The following ERICH1 variants were observed in gnomAD, a reference collection of about 807,000 sequenced individuals.
ERICH1 encodes the protein glutamate-rich protein 1.
In ERICH1, 56 loss-of-function variants were observed where a neutral mutation model predicts 39.6. The observed-to-expected ratio is 1.41, with a 90% CI of 1.14 to 1.77. The LOEUF is 1.77. ERICH1 is among the 40% of genes most tolerant of loss of function. The probability of loss-of-function intolerance (pLI) is 0.00; values close to 1 mark genes in which losing one functional copy is unlikely to be tolerated. For missense variants in ERICH1, 826 were observed against 575.4 expected (o/e 1.44, Z -4.45); for synonymous variants, 313 against 223.6 (o/e 1.40, Z -3.57).
At chr8:650,154 G>C (rs973817621) in intron 3 of ERICH1, among the ~76,000 whole-genome samples, 13 of 152,218 alleles carry the variant, frequency 8.5e-5, no homozygotes, top group African/African-American at 3.1e-4. Flanking sequence ...GGGCGCTTGC[G>C]TGTCCGGCAC....
chr8:675,320 C>CG (rs1459101318), intron 3 of ERICH1, among the ~76,000 whole-genome samples: 1 of 704 alleles, frequency 1.4e-3, no homozygotes, highest in Non-Finnish European at 2.8e-3. Context: ...GGCGGCCCCT[C>CG]GTGAGGACAG....
chr8:672,231 G>C (rs1458257372), intron 4 of ERICH1: 1 of 152,234 alleles, frequency 6.6e-6, no homozygotes, highest in East Asian at 1.9e-4. Flanking sequence ...AGAATAGAAA[G>C]TTTACTGAGA....
intron 4 of ERICH1, 152 bp downstream of exon 4, chr8:673,137 A>G: frequency 1.0e-6 from 1 of 981,172 alleles, no homozygotes; most frequent in Non-Finnish European, 1.5e-6. Flanking sequence ...TTTACATTGA[A>G]TATTTTTTAC....
intron 3 of ERICH1, among the ~76,000 whole-genome samples, chr8:628,008 G>A (rs146471008): frequency 5.9e-4 from 90 of 152,306 alleles, no homozygotes; most frequent in African/African-American, 2.1e-3. Flanking sequence ...CAGCAGCAGG[G>A]GCGCCTTCCT....
At chr8:721,096 G>T (rs918403581) in intron 1 of ERICH1, among the ~76,000 whole-genome samples, 6 of 152,266 alleles carry the variant, frequency 3.9e-5, no homozygotes, top group Admixed American at 2.0e-4. Context: ...TGTCAAAATG[G>T]ATATCTCATT....
At chr8:726,761 A>G (rs1174869941) in intron 1 of ERICH1, among the ~76,000 whole-genome samples, 1 of 152,058 alleles carries the variant, frequency 6.6e-6, no homozygotes, top group Admixed American at 6.6e-5. Context: ...CACACCACAC[A>G]CAGACACATG....
intron 1 of ERICH1, among the ~76,000 whole-genome samples, chr8:719,117 A>T (rs1192866827): frequency 1.3e-5 from 2 of 151,940 alleles, no homozygotes; most frequent in Non-Finnish European, 2.9e-5. Flanking sequence ...CTGGGCTGAG[A>T]GCCCGACCCT....
chr8:658,893 C>A (rs563886102), intron 3 of ERICH1, among the ~76,000 whole-genome samples: 1 of 152,356 alleles, frequency 6.6e-6, no homozygotes, highest in South Asian at 2.1e-4. Context: ...CTTCCTCTGC[C>A]TTTCCTTCAC....
chr8:637,772 T>C (rs1026205381), intron 3 of ERICH1, among the ~76,000 whole-genome samples: 1 of 152,122 alleles, frequency 6.6e-6, no homozygotes, highest in Non-Finnish European at 1.5e-5. Context: ...GGCTGCTCAG[T>C]TGGGGAGTGG....
intron 1 of ERICH1, among the ~76,000 whole-genome samples, chr8:719,239 C>T (rs1445587201): frequency 1.3e-5 from 2 of 152,234 alleles, no homozygotes; most frequent in East Asian, 3.9e-4. Flanking sequence ...GAGCCGTCAT[C>T]CAACAGCGGG....
chr8:693,115 A>G (rs1423501344), intron 2 of ERICH1, among the ~76,000 whole-genome samples: 2 of 152,016 alleles, frequency 1.3e-5, no homozygotes, highest in African/African-American at 2.4e-5. Context: ...AACATCCACA[A>G]AACACACAGA....
At chr8:682,450 T>C (rs1235307105) in intron 3 of ERICH1, among the ~76,000 whole-genome samples, 1 of 152,230 alleles carries the variant, frequency 6.6e-6, no homozygotes, top group Non-Finnish European at 1.5e-5. Context: ...CCTGTTGCAC[T>C]GTGACTTCTC....
At chr8:725,937 G>A (rs1818517716) in intron 1 of ERICH1, 1 of 152,334 alleles carries the variant, frequency 6.6e-6, no homozygotes, top group African/African-American at 2.4e-5. Context: ...GATGGGAAAA[G>A]AGGTGCCAAC....
Position 725,092 on chromosome 8 carries a change from G to C in ERICH1, c.22+6048C>G, listed in dbSNP as rs527633098. On this transcript the variant is annotated intron_variant, in intron 1 of 5. Transcript: ENST00000262109. Reference sequence around the variant, plus strand: ...TGCTGTCCCCTCCGGCTTCCTGTCTGCTGTCCTCTCTGGCTTCTTGTCTGC... The same window carrying C: ...TGCTGTCCCCTCCGGCTTCCTGTCTCCTGTCCTCTCTGGCTTCTTGTCTGC... The C allele has an allele frequency of 5.2e-5, 9 of 171,492 alleles. No homozygotes were observed. The South Asian group carries it at 9.6e-4, about 18-fold the overall frequency. 10.6% of individuals were successfully genotyped at this position (171,492 alleles called of 1,614,324 possible).
At chr8:708,685 T>TTTTTTTGTTTTG in intron 2 of ERICH1, among the ~76,000 whole-genome samples, 2 of 47,164 alleles carry the variant, frequency 4.2e-5, no homozygotes, top group Non-Finnish European at 9.2e-5. Flanking sequence ...TAATGAGTTT[T>TTTTTTTGTTTTG]TTTTTTTTTT....
Position 630,007 on chromosome 8 carries a change from CACAG to C in ERICH1, c.977-14727_977-14724del, listed in dbSNP as rs1303974881. Among the ~76,000 whole-genome samples the C allele has an allele frequency of 6.7e-5, 9 of 134,204 alleles. 1 individual carries two copies. Among genetic ancestry groups the C allele is most frequent in the South Asian group, 5.1e-4 (2 of 3,900 alleles). 88.0% of individuals were successfully genotyped at this position (134,204 alleles called of 152,430 possible). The stretch of plus-strand genomic sequence containing the variant: ...ACTCACACCCTCCTGTGAGCACCCA[CACAG>C]ACAAAGCTGACTCACACCCTCCCGT... On this transcript the variant is annotated intron_variant, in intron 3 of 3. Transcript: ENST00000522706.
chr8:717,702 A>C (rs1187842642), intron 1 of ERICH1, among the ~76,000 whole-genome samples: 1 of 152,264 alleles, frequency 6.6e-6, no homozygotes, highest in Non-Finnish European at 1.5e-5. Flanking sequence ...TCAGAGCTAA[A>C]GCCTTGCTGG....
intron 5 of ERICH1, among the ~76,000 whole-genome samples, chr8:665,789 CCAGAGGAGAGG>C (rs1353826895): frequency 6.6e-6 from 1 of 152,158 alleles, no homozygotes; most frequent in African/African-American, 2.4e-5. Flanking sequence ...AACTGCTGAG[CCAGAGGAGAGG>C]CAGAGGAGAC....
chr8:685,095 G>A (rs951347679), intron 3 of ERICH1, among the ~76,000 whole-genome samples: 6 of 152,308 alleles, frequency 3.9e-5, no homozygotes, highest in South Asian at 2.1e-4. Context: ...AGACCAGGGC[G>A]TGTTTCATCC....
Sources: gnomAD v4.1 joint callset for allele counts (sites outside exome capture counted in the v4.1 genomes callset) on GRCh38, gnomAD v4.1.1 for gene constraint, MANE v1.5 for transcripts, NCBI Gene and HGNC (gene_info 2026-07-23, HGNC 2026-07-21) for gene names.